LRP1B: variants seen among roughly 807,000 people sequenced by gnomAD.
LRP1B encodes low-density lipoprotein receptor-related protein 1B.
In LRP1B, 217 loss-of-function variants were observed where a neutral mutation model predicts 556.6. The observed-to-expected ratio is 0.39, with a 90% CI of 0.35 to 0.44. The LOEUF is 0.44. LRP1B is among the 20% of genes least tolerant of loss of function. LRP1B has a pLI of 1.00. For missense variants in LRP1B, 5,053 were observed against 5,620.8 expected (o/e 0.90, Z 3.23); for synonymous variants, 2,047 against 1,865.8 (o/e 1.10, Z -2.50).
intron 2 of LRP1B, among the ~76,000 whole-genome samples, chr2:141,517,028 A>ACAAC (rs1198453990): frequency 7.2e-6 from 1 of 138,620 alleles, no homozygotes; most frequent in African/African-American, 3.0e-5. Flanking sequence ...AAAAAAAAAA[A>ACAAC]AAAAGTAAAT....
At chr2:140,820,729 C>T (rs1393760603) in intron 31 of LRP1B, among the ~76,000 whole-genome samples, 1 of 151,922 alleles carries the variant, frequency 6.6e-6, no homozygotes, top group African/African-American at 2.4e-5. Context: ...TGGATTGTGT[C>T]ACTTAAATAT....
intron 7 of LRP1B, among the ~76,000 whole-genome samples, chr2:141,181,486 CAG>C (rs143453236): frequency 0.051 from 7,803 of 151,874 alleles, 287 homozygotes; most frequent in South Asian, 0.11. Flanking sequence ...ATACTAGAAA[CAG>C]AGTTGTGCAC....
chr2:140,676,158 G>T (rs990355113), intron 41 of LRP1B, among the ~76,000 whole-genome samples: 5 of 152,130 alleles, frequency 3.3e-5, no homozygotes, highest in Admixed American at 2.0e-4. Context: ...AGTTATTCCA[G>T]AGTTCACAAG....
At chr2:140,626,745 C>CAT (rs1683677618) in intron 41 of LRP1B, among the ~76,000 whole-genome samples, 1 of 144,348 alleles carries the variant, frequency 6.9e-6, no homozygotes, top group African/African-American at 2.5e-5. Context: ...CCAAAGGTAA[C>CAT]ATATTGGGAA....
chr2:141,059,163 C>T (rs1013029097), intron 8 of LRP1B, 109 bp from the exon 9 acceptor site: 45 of 634,046 alleles, frequency 7.1e-5, no homozygotes, highest in African/African-American at 4.5e-4. Flanking sequence ...GCAGAAGAAC[C>T]GCAAGGATGT....
At chr2:141,367,269 T>G (rs1689072622) in intron 3 of LRP1B, among the ~76,000 whole-genome samples, 1 of 144,802 alleles carries the variant, frequency 6.9e-6, no homozygotes. Flanking sequence ...TAGTTAAATA[T>G]TTTTTCATTA....
chr2:141,318,202 G>A (rs1478831480), intron 3 of LRP1B, among the ~76,000 whole-genome samples: 2 of 152,058 alleles, frequency 1.3e-5, no homozygotes, highest in East Asian at 3.9e-4. Flanking sequence ...ACCATACCAG[G>A]TACTACACTA....
intron 41 of LRP1B, among the ~76,000 whole-genome samples, chr2:140,624,022 T>C (rs1325981948): frequency 1.4e-5 from 2 of 146,220 alleles, no homozygotes; most frequent in African/African-American, 5.0e-5. Flanking sequence ...GAAAAAGTTT[T>C]AGAAACTAGC....
At chr2:141,895,183 A>C (rs1699415701) in intron 1 of LRP1B, among the ~76,000 whole-genome samples, 1 of 152,152 alleles carries the variant, frequency 6.6e-6, no homozygotes, top group African/African-American at 2.4e-5. Flanking sequence ...TTTAGCAAGA[A>C]AATATAGGTC....
Position 141,855,320 on chromosome 2 carries a change from G to A in LRP1B, c.83-44919C>T, listed in dbSNP as rs535880313. On this transcript the variant is annotated intron_variant, in intron 1 of 90. Transcript: ENST00000389484. ...GAATCTTCTCTGTTAGCCCCTTAAC[G>A]GGATAAGACATTCGAATTAAGAAAA... Among the ~76,000 whole-genome samples the A allele has an allele frequency of 7.2e-5, 11 of 152,166 alleles. No homozygotes were observed. The South Asian group carries it at 1.9e-3, about 26-fold the overall frequency.
intron 2 of LRP1B, among the ~76,000 whole-genome samples, chr2:141,676,807 C>T (rs1477369260): frequency 1.3e-5 from 2 of 151,970 alleles, no homozygotes; most frequent in African/African-American, 4.8e-5. Flanking sequence ...AATTCTGTAC[C>T]GATGGGATTA....
chr2:140,522,495 C>T (rs1257144999), intron 49 of LRP1B, among the ~76,000 whole-genome samples: 1 of 151,576 alleles, frequency 6.6e-6, no homozygotes, highest in Admixed American at 6.6e-5. Context: ...AAATAACAAT[C>T]TGACTGCACC....
intron 41 of LRP1B, among the ~76,000 whole-genome samples, chr2:140,657,664 T>C (rs182442676): frequency 2.1e-5 from 3 of 145,498 alleles, no homozygotes; most frequent in South Asian, 2.1e-4. Flanking sequence ...TACATATATA[T>C]ACATACATAT....
intron 1 of LRP1B, among the ~76,000 whole-genome samples, chr2:142,113,959 A>G (rs1030804331): frequency 2.2e-4 from 33 of 152,234 alleles, no homozygotes; most frequent in African/African-American, 7.9e-4. Flanking sequence ...CAGACTCAGT[A>G]TAGGATCTCT....
intron 1 of LRP1B, among the ~76,000 whole-genome samples, chr2:141,913,219 C>T (rs60821900): frequency 0.058 from 8,827 of 152,040 alleles, 848 homozygotes; most frequent in African/African-American, 0.2. Context: ...TTTTATGTTT[C>T]GTATATTTTG....
At chr2:141,437,259 T>C (rs1377948857) in intron 3 of LRP1B, among the ~76,000 whole-genome samples, 1 of 152,122 alleles carries the variant, frequency 6.6e-6, no homozygotes, top group African/African-American at 2.4e-5. Context: ...AAAGGGTTTC[T>C]GTTAGAAGAT....
intron 25 of LRP1B, 36 bp downstream of exon 25, chr2:140,883,781 T>C (rs1693549915): frequency 3.2e-6 from 5 of 1,564,364 alleles, no homozygotes; most frequent in Non-Finnish European, 4.4e-6. Context: ...CTATTTTTTA[T>C]GCCAAAATCA....
chr2:141,538,733 G>T (rs1419656083), intron 2 of LRP1B, among the ~76,000 whole-genome samples: 1 of 150,790 alleles, frequency 6.6e-6, no homozygotes, highest in African/African-American at 2.4e-5. Context: ...TCCACCTCCC[G>T]ATTCAAGCAA....
At chr2:140,541,168 C>G (rs765559912) in intron 44 of LRP1B, 70 bp from the exon 45 acceptor site, 4 of 1,303,950 alleles carry the variant, frequency 3.1e-6, no homozygotes, top group South Asian at 1.3e-5. Context: ...AAATATTAAT[C>G]GTAAACTATT....
Sources: allele counts gnomAD v4.1 joint callset (sites outside exome capture counted in the v4.1 genomes callset), GRCh38; gene constraint gnomAD v4.1.1; transcripts MANE v1.5; gene names NCBI Gene and HGNC (gene_info 2026-07-23, HGNC 2026-07-21).